Variants in PTPRA observed in about 807,000 individuals in gnomAD.
PTPRA encodes protein tyrosine phosphatase receptor type A.
A neutral mutation model predicts 104.8 loss-of-function variants in PTPRA; 25 were observed. The observed-to-expected ratio is 0.24, with a 90% CI of 0.17 to 0.33. The LOEUF (loss-of-function observed/expected upper bound fraction) is 0.33. PTPRA is among the 10% of genes least tolerant of loss of function. The pLI, the probability that PTPRA is intolerant of heterozygous loss-of-function variation, is 1.00. For synonymous variants in PTPRA, 323 were observed against 368.9 expected (o/e 0.88, Z 1.43); for missense variants, 765 against 1,015.3 (o/e 0.75, Z 3.35).
chr20:2,956,364 C>A (rs528993665), intron 3 of PTPRA, among the ~76,000 whole-genome samples: 2 of 152,164 alleles, frequency 1.3e-5, no homozygotes, highest in African/African-American at 4.8e-5. Flanking sequence ...GCTGCCTCCT[C>A]GAGCCTCATT....
At chr20:2,994,300 G>A (rs144948049) in intron 9 of PTPRA, among the ~76,000 whole-genome samples, 2 of 152,128 alleles carry the variant, frequency 1.3e-5, no homozygotes, top group African/African-American at 2.4e-5. Flanking sequence ...CCAGGCCTAC[G>A]AGTTGGATGA....
chr20:2,888,567 T>C (rs62207187), intron 1 of PTPRA, among the ~76,000 whole-genome samples: 1 of 150,572 alleles, frequency 6.6e-6, no homozygotes, highest in Non-Finnish European at 1.5e-5. Context: ...AGAAAAAGCA[T>C]TTAAAAAAAA....
chr20:2,931,208 A>G (rs538575236), intron 2 of PTPRA, among the ~76,000 whole-genome samples: 7 of 152,234 alleles, frequency 4.6e-5, no homozygotes, highest in African/African-American at 1.4e-4. Flanking sequence ...GATTTAGCCT[A>G]GCTTGGATGT....
At chr20:2,922,632 G>A (rs574995339) in intron 1 of PTPRA, among the ~76,000 whole-genome samples, 4 of 151,066 alleles carry the variant, frequency 2.6e-5, no homozygotes, top group Admixed American at 6.6e-5. Flanking sequence ...ATGAGCCACC[G>A]CACCTGGCCT....
intron 3 of PTPRA, among the ~76,000 whole-genome samples, chr20:2,961,199 G>C (rs2061742592): frequency 6.6e-6 from 1 of 152,068 alleles, no homozygotes; most frequent in African/African-American, 2.4e-5. Context: ...TTTTTTGAGA[G>C]ACTACCAAGC....
At chr20:2,936,019 CA>C (rs754133556) in intron 2 of PTPRA, among the ~76,000 whole-genome samples, 1,534 of 132,330 alleles carry the variant, frequency 0.012, 18 homozygotes, top group African/African-American at 0.034. Context: ...AAATCCAACT[CA>C]AAAAAAAAAA....
At chr20:2,996,601 T>C (rs938634022) in intron 9 of PTPRA, among the ~76,000 whole-genome samples, 5 of 152,138 alleles carry the variant, frequency 3.3e-5, no homozygotes, top group Non-Finnish European at 5.9e-5. Flanking sequence ...CTATTTGCCA[T>C]AGGTAGACAA....
chr20:2,864,965 C>A, the PTPRA span: 3 of 1,614,184 alleles, frequency 1.9e-6, no homozygotes, highest in Non-Finnish European at 1.7e-6. The surrounding 1 kb of genome is among the most constrained non-coding windows in gnomAD (Gnocchi z 5.2). Context: ...GGCCTTCCTT[C>A]TTGTCTTTAT....
At chr20:2,933,723 A>G (rs1450316216) in intron 2 of PTPRA, among the ~76,000 whole-genome samples, 1 of 152,080 alleles carries the variant, frequency 6.6e-6, no homozygotes, top group Non-Finnish European at 1.5e-5. Context: ...CAGCCTCCCA[A>G]AGTGCTGGGA....
intron 2 of PTPRA, among the ~76,000 whole-genome samples, chr20:2,924,993 A>C (rs990352067): frequency 6.6e-6 from 1 of 152,144 alleles, no homozygotes; most frequent in Non-Finnish European, 1.5e-5. Context: ...AAGGTTTTAC[A>C]TCTTAATGTG....
chr20:3,010,743 T>TC (rs1372921307), intron 11 of PTPRA, among the ~76,000 whole-genome samples: 1 of 152,170 alleles, frequency 6.6e-6, no homozygotes, highest in Non-Finnish European at 1.5e-5. Context: ...CACGGAATCC[T>TC]CCCCACCACC....
rs2061874247 is a variant in PTPRA, at chr20:2,964,465, C to CA, written c.73+118dup. The CA allele has an allele frequency of 6.5e-6, 6 of 920,470 alleles. No homozygotes were observed. The Middle Eastern group carries it at 1.1e-3, about 161-fold the overall frequency. 57.0% of individuals were successfully genotyped at this position (920,470 alleles called of 1,614,324 possible). Reference sequence around the variant, plus strand: ...AAGAAAGGAATATAAAAATTTTATTCAAAGTGATGGTAAAATAGGTGTCTT... The same window carrying CA: ...AAGAAAGGAATATAAAAATTTTATTCAAAAGTGATGGTAAAATAGGTGTCTT... On this transcript the variant is annotated intron_variant, in intron 4 of 23. Coordinates refer to ENST00000399903, the MANE Select transcript of PTPRA (RefSeq NM_001385305.1).
chr20:2,977,065 C>A (rs1383104920), intron 6 of PTPRA, among the ~76,000 whole-genome samples: 1 of 152,114 alleles, frequency 6.6e-6, no homozygotes, highest in Non-Finnish European at 1.5e-5. Context: ...ATCACAAGGT[C>A]AGGAGTTCAA....
intron 1 of PTPRA, among the ~76,000 whole-genome samples, chr20:2,877,649 GCCCAA>G (rs1016244404): frequency 6.6e-6 from 1 of 152,060 alleles, no homozygotes; most frequent in Non-Finnish European, 1.5e-5. Flanking sequence ...CCCAAAAATA[GCCCAA>G]CATTAAAATT....
chr20:3,015,775 A>C (rs368439983), intron 11 of PTPRA, 74 bp from the exon 12 acceptor site: 28 of 1,279,756 alleles, frequency 2.2e-5, no homozygotes, highest in Non-Finnish European at 3.0e-5. Flanking sequence ...AACTGGTTGG[A>C]GTCAGACTGG....
At chr20:2,951,922 C>T (rs376364673) in intron 3 of PTPRA, among the ~76,000 whole-genome samples, 4 of 152,124 alleles carry the variant, frequency 2.6e-5, no homozygotes, top group African/African-American at 9.6e-5. Context: ...AGGCGGATCA[C>T]GAGGTCAAGA....
intron 14 of PTPRA, among the ~76,000 whole-genome samples, chr20:3,021,702 C>T (rs1376935022): frequency 1.3e-5 from 2 of 152,206 alleles, no homozygotes; most frequent in African/African-American, 4.8e-5. Flanking sequence ...GTGCAGTCTC[C>T]TAGGTGCTTG....
At chr20:2,985,811 G>T (rs376369950) in intron 6 of PTPRA, among the ~76,000 whole-genome samples, 1 of 152,152 alleles carries the variant, frequency 6.6e-6, no homozygotes, top group Non-Finnish European at 1.5e-5. Flanking sequence ...CAAATTCCTG[G>T]CCTCAAGCAA....
chr20:2,870,823 G>A (rs1187550338), upstream of PTPRA, among the ~76,000 whole-genome samples: 2 of 152,212 alleles, frequency 1.3e-5, no homozygotes, highest in East Asian at 3.8e-4. Context: ...GTGCTCCTGT[G>A]GGTTGGGACT....
Sources: gnomAD v4.1 joint callset for allele counts (sites outside exome capture counted in the v4.1 genomes callset) on GRCh38, gnomAD v4.1.1 for gene constraint, Gnocchi (gnomAD v3.1) non-coding constraint, MANE v1.5 for transcripts, NCBI Gene and HGNC (gene_info 2026-07-23, HGNC 2026-07-21) for gene names.